The following NXPH2 variants were observed in gnomAD, a reference collection of about 807,000 sequenced individuals.
NXPH2 encodes the protein neurexophilin 2.
NXPH2 carries 5 observed loss-of-function variants against 19.8 expected under a neutral mutation model. That is an observed-to-expected ratio of 0.25 (90% CI 0.13 to 0.53). NXPH2 has a LOEUF of 0.53. NXPH2 is among the 20% of genes least tolerant of loss of function. The pLI, the probability that NXPH2 is intolerant of heterozygous loss-of-function variation, is 0.96. For missense variants in NXPH2, 289 were observed against 322.8 expected (o/e 0.90, Z 0.80); for synonymous variants, 154 against 127.4 (o/e 1.21, Z -1.41).
At position 138,671,418 on chromosome 2, in the gene NXPH2, C is replaced by T. The variant is rs1048468380; in HGVS notation, c.299G>A (p.Arg100Lys). ...AAATTTTCCTGTTTTTACTATTGGCCTCCGTTTAGTTCTTGCCAATGGCTC... is the reference window on the plus strand; with the variant it reads ...AAATTTTCCTGTTTTTACTATTGGCTTCCGTTTAGTTCTTGCCAATGGCTC... ...IQEPLARTKR[R>K]PIVKTGKFKK... The change falls in exon 2 of 2, where the codon AGG (arginine) becomes AAG (lysine). Residue 100 changes from arginine to lysine, a missense_variant. By Grantham distance (26) the Arg-to-Lys change is conservative (BLOSUM62 2). Coordinates refer to ENST00000272641, the MANE Select transcript of NXPH2 (RefSeq NM_007226.3). The T allele has an allele frequency of 4.3e-6, 7 of 1,613,906 alleles. No homozygotes were observed. The highest frequency in any genetic ancestry group is 2.5e-6 in the Non-Finnish European group (3 of 1,179,900).
At chr2:138,718,169 A>T (rs1681220553) in intron 1 of NXPH2, among the ~76,000 whole-genome samples, 1 of 152,148 alleles carries the variant, frequency 6.6e-6, no homozygotes, top group African/African-American at 2.4e-5. Flanking sequence ...GGTTTAAGAA[A>T]AATTAGATCA....
intron 1 of NXPH2, among the ~76,000 whole-genome samples, chr2:138,757,190 A>G (rs1681922586): frequency 2.6e-5 from 4 of 152,160 alleles, no homozygotes; most frequent in Non-Finnish European, 1.5e-5. Context: ...ATTTCCTCAT[A>G]TTTCCTACAA....
chr2:138,760,829 C>T (rs1006914140), intron 1 of NXPH2, among the ~76,000 whole-genome samples: 2 of 152,174 alleles, frequency 1.3e-5, no homozygotes, highest in African/African-American at 4.8e-5. Flanking sequence ...ACGGAGTGGA[C>T]AGGCTGGCAG....
intron 1 of NXPH2, among the ~76,000 whole-genome samples, chr2:138,773,543 G>A (rs1682211313): frequency 1.3e-5 from 2 of 152,074 alleles, no homozygotes; most frequent in Non-Finnish European, 2.9e-5. Context: ...TTTGGGAATA[G>A]AAATCACATG....
At chr2:138,707,107 A>AAACAAAAAAAAAAAACAAAAAAAAAAC (rs1681029146) in intron 1 of NXPH2, among the ~76,000 whole-genome samples, 1 of 146,536 alleles carries the variant, frequency 6.8e-6, no homozygotes, top group African/African-American at 2.5e-5. Flanking sequence ...AAAAAAAAAA[A>AAACAAAAAAAAAAAACAAAAAAAAAAC]AAAAAGAGCA....
chr2:138,761,756 A>G (rs1444437227), intron 1 of NXPH2, among the ~76,000 whole-genome samples: 1 of 152,202 alleles, frequency 6.6e-6, no homozygotes, highest in African/African-American at 2.4e-5. Flanking sequence ...AGAATATTTA[A>G]CTTTCAAAGA....
rs747660328 is a variant in NXPH2 at position 138,780,169 on chromosome 2, G to C, written c.51+22C>G. ...GAAACGCGTCCCCGGCGTGTGGGAC[G>C]GCGCGCGGGCCGGGCACTCACCAGC... On this transcript the variant is annotated intron_variant, in intron 1 of 1. Transcript: ENST00000272641. The C allele has an allele frequency of 2.6e-4, 380 of 1,482,604 alleles. 1 individual carries two copies. In the Admixed American group the frequency reaches 5.1e-3, roughly 20 times the overall value. 91.8% of individuals were successfully genotyped at this position (1,482,604 alleles called of 1,614,324 possible). A position where few individuals can be genotyped will look rare whatever the true frequency, so the allele number is the denominator to read the frequency against.
At chr2:138,698,470 C>T (rs1680862732) in intron 1 of NXPH2, among the ~76,000 whole-genome samples, 1 of 152,048 alleles carries the variant, frequency 6.6e-6, no homozygotes, top group Non-Finnish European at 1.5e-5. Flanking sequence ...CAATAATAAA[C>T]AGGTAGAAAT....
chr2:138,695,689 G>GA (rs148734944), intron 1 of NXPH2, among the ~76,000 whole-genome samples: 5 of 151,748 alleles, frequency 3.3e-5, no homozygotes, highest in Non-Finnish European at 5.9e-5. Context: ...AAACATGGTA[G>GA]AAAAAAGCTT....
chr2:138,711,145 C>CTTTCTTTTTTT (rs1681100090), intron 1 of NXPH2, among the ~76,000 whole-genome samples: 1 of 91,066 alleles, frequency 1.1e-5, no homozygotes, highest in African/African-American at 4.0e-5. Flanking sequence ...ATTTCTATCA[C>CTTTCTTTTTTT]TTTTTTTTTT....
intron 1 of NXPH2, among the ~76,000 whole-genome samples, chr2:138,708,601 A>T (rs1262521832): frequency 6.6e-6 from 1 of 152,172 alleles, no homozygotes. Flanking sequence ...AAGACAACAA[A>T]TGTCTTTTAG....
chr2:138,726,729 C>T (rs377331793), intron 1 of NXPH2, among the ~76,000 whole-genome samples: 165 of 152,264 alleles, frequency 1.1e-3, no homozygotes, highest in African/African-American at 3.8e-3. Flanking sequence ...TGTCAGCATC[C>T]TGCACCTCAG....
intron 1 of NXPH2, among the ~76,000 whole-genome samples, chr2:138,696,988 A>C (rs1223452836): frequency 6.6e-6 from 1 of 152,172 alleles, no homozygotes; most frequent in African/African-American, 2.4e-5. Flanking sequence ...ATAAGTAGGT[A>C]ATTTCATATA....
intron 1 of NXPH2, among the ~76,000 whole-genome samples, chr2:138,684,566 T>C (rs2104971506): frequency 6.6e-6 from 1 of 152,310 alleles, no homozygotes; most frequent in Middle Eastern, 3.4e-3. Flanking sequence ...ATAGGTCAAA[T>C]GCTCTGGAAA....
At chr2:138,730,410 G>A (rs1329331779) in intron 1 of NXPH2, among the ~76,000 whole-genome samples, 2 of 152,032 alleles carry the variant, frequency 1.3e-5, no homozygotes, top group African/African-American at 4.8e-5. Context: ...ACATTTTGAG[G>A]TCCTGGAGGT....
chr2:138,718,053 A>G (rs936422758), intron 1 of NXPH2, among the ~76,000 whole-genome samples: 62 of 152,136 alleles, frequency 4.1e-4, no homozygotes, highest in African/African-American at 1.4e-3. Flanking sequence ...AAATGGGTTC[A>G]GGAAGTTAAG....
chr2:138,688,660 T>C lies in NXPH2; in HGVS notation c.52-16995A>G, dbSNP rs1410395700. Among the ~76,000 whole-genome samples, 3 of 152,192 alleles carry C rather than the reference T, an allele frequency of 2.0e-5. No homozygotes were observed. The East Asian group carries it at 5.8e-4, about 29-fold the overall frequency. On this transcript the variant is annotated intron_variant, in intron 1 of 1. Coordinates refer to ENST00000272641, the MANE Select transcript of NXPH2 (RefSeq NM_007226.3). ...ATGAGTTCAGATGTGTAACAACTAT[T>C]ATTGAAAGCTTCATGAATGACAGCA... is the stretch of plus-strand genomic sequence containing the variant.
intron 1 of NXPH2, among the ~76,000 whole-genome samples, chr2:138,696,180 C>T (rs1025152967): frequency 3.9e-5 from 6 of 152,058 alleles, no homozygotes; most frequent in African/African-American, 1.4e-4. Flanking sequence ...GCACATGAAC[C>T]AGTATCCTTA....
chr2:138,680,774 G>T (rs1680569361), intron 1 of NXPH2, among the ~76,000 whole-genome samples: 1 of 152,150 alleles, frequency 6.6e-6, no homozygotes, highest in Non-Finnish European at 1.5e-5. Context: ...GATAAACAAT[G>T]AATTTGTGAC....
Sources: gnomAD v4.1 joint callset for allele counts (sites outside exome capture counted in the v4.1 genomes callset) on GRCh38, gnomAD v4.1.1 for gene constraint, MANE v1.5 for transcripts, NCBI Gene and HGNC (gene_info 2026-07-23, HGNC 2026-07-21) for gene names.